BTBD9: variants seen among roughly 807,000 people sequenced by gnomAD.
BTBD9 encodes the protein BTB domain containing 9.
BTBD9 carries 49 observed loss-of-function variants against 64.3 expected under a neutral mutation model. The ratio of observed to expected loss-of-function variants is 0.76; its 90% CI spans 0.61 to 0.97. BTBD9 has a LOEUF of 0.97. Among genes scored for constraint, BTBD9 ranks in the 50% least tolerant of loss-of-function variants. The pLI, the probability that BTBD9 is intolerant of heterozygous loss-of-function variation, is 0.00. For synonymous variants in BTBD9, 260 were observed against 274.7 expected, an observed-to-expected ratio of 0.95 and a Z score of 0.53; for missense variants, 598 against 762.1, an observed-to-expected ratio of 0.78 and a Z score of 2.53.
chr6:38,455,772 G>A (rs972345060), intron 6 of BTBD9, among the ~76,000 whole-genome samples: 4 of 151,954 alleles, frequency 2.6e-5, no homozygotes, highest in Admixed American at 2.0e-4. Flanking sequence ...GCAATGGCGC[G>A]ATCTCGGCTC....
At chr6:38,445,303 T>C (rs1327030444) in intron 6 of BTBD9, among the ~76,000 whole-genome samples, 2 of 152,212 alleles carry the variant, frequency 1.3e-5, no homozygotes, top group East Asian at 3.9e-4. Flanking sequence ...AATCAATCCA[T>C]AGGAGAGAAA....
intron 9 of BTBD9, among the ~76,000 whole-genome samples, chr6:38,199,327 T>A (rs1321762378): frequency 6.6e-6 from 1 of 151,028 alleles, no homozygotes; most frequent in Non-Finnish European, 1.5e-5. Flanking sequence ...GACTGGAGAG[T>A]CCCTTTCGGG....
chr6:38,543,643 G>A (rs918552808), intron 6 of BTBD9, among the ~76,000 whole-genome samples: 35 of 152,092 alleles, frequency 2.3e-4, no homozygotes, highest in African/African-American at 6.5e-4. Context: ...ACCTGTTTGC[G>A]GTACTGAGAT....
At chr6:38,583,106 G>A (rs116634682) in intron 4 of BTBD9, among the ~76,000 whole-genome samples, 185 of 152,316 alleles carry the variant, frequency 1.2e-3, no homozygotes, top group African/African-American at 4.2e-3. Context: ...AAAAATAAAT[G>A]TGTTTTCCCT....
At chr6:38,469,511 G>A (rs563891699) in intron 6 of BTBD9, among the ~76,000 whole-genome samples, 1 of 151,924 alleles carries the variant, frequency 6.6e-6, no homozygotes, top group African/African-American at 2.4e-5. Context: ...TAGTAAAGAC[G>A]GGATTTTACC....
At chr6:38,342,535 C>CAAAAA (rs762825969) in intron 7 of BTBD9, among the ~76,000 whole-genome samples, 2 of 54,862 alleles carry the variant, frequency 3.6e-5, no homozygotes, top group African/African-American at 5.7e-5. Context: ...GACTCTGTCT[C>CAAAAA]AAAAAAAAAA....
At chr6:38,599,114 A>G (rs1777160378) in intron 1 of BTBD9, among the ~76,000 whole-genome samples, 1 of 152,134 alleles carries the variant, frequency 6.6e-6, no homozygotes, top group African/African-American at 2.4e-5. Flanking sequence ...GAACATCATT[A>G]CATTTTGTCT....
chr6:38,364,349 T>A (rs1195758025), intron 6 of BTBD9, among the ~76,000 whole-genome samples: 3 of 152,192 alleles, frequency 2.0e-5, no homozygotes, highest in African/African-American at 7.2e-5. Flanking sequence ...CATTGCTTCC[T>A]CCTTTGGTTC....
At chr6:38,374,297 G>GTGTATATATA (rs1582317340) in intron 6 of BTBD9, among the ~76,000 whole-genome samples, 1 of 53,700 alleles carries the variant, frequency 1.9e-5, no homozygotes, top group African/African-American at 8.8e-5. Flanking sequence ...ATATATATAT[G>GTGTATATATA]TATATATATG....
At chr6:38,616,842 T>C (rs1297728853) in intron 1 of BTBD9, among the ~76,000 whole-genome samples, 7 of 152,104 alleles carry the variant, frequency 4.6e-5, no homozygotes, top group African/African-American at 1.7e-4. Flanking sequence ...TACCGCTCAT[T>C]CTTTGGGTCT....
intron 6 of BTBD9, among the ~76,000 whole-genome samples, chr6:38,478,882 T>G (rs1771009147): frequency 6.6e-6 from 1 of 152,166 alleles, no homozygotes; most frequent in Admixed American, 6.5e-5. Context: ...TTATCATATA[T>G]AAAACCAGGA....
chr6:38,556,542 TGTGTGTGTGAGAGAGA>T (rs1243771956), intron 6 of BTBD9, among the ~76,000 whole-genome samples: 17 of 62,410 alleles, frequency 2.7e-4, no homozygotes, highest in African/African-American at 4.3e-4. Context: ...TGTGTGTGTG[TGTGTGTGTGAGAGAGA>T]GAGAGAGAGA....
At chr6:38,192,373 T>C in intron 10 of BTBD9, 146 bp downstream of exon 10, 1 of 681,212 alleles carries the variant, frequency 1.5e-6, no homozygotes, top group Non-Finnish European at 2.6e-6. Context: ...AACCCCACTG[T>C]GCAACTGCAG....
At chr6:38,290,066 A>T (rs986332363) in intron 7 of BTBD9, among the ~76,000 whole-genome samples, 4 of 151,602 alleles carry the variant, frequency 2.6e-5, no homozygotes, top group African/African-American at 9.7e-5. Context: ...TTATTTTCCA[A>T]AGTTGGACAT....
chr6:38,393,087 G>A (rs4714154), intron 6 of BTBD9, among the ~76,000 whole-genome samples: 8,683 of 152,206 alleles, frequency 0.057, 711 homozygotes, highest in East Asian at 0.33. Flanking sequence ...TGTTGGCTAG[G>A]CTGGTCTTGA....
intron 6 of BTBD9, among the ~76,000 whole-genome samples, chr6:38,402,489 T>G (rs559750051): frequency 7.9e-5 from 12 of 152,222 alleles, no homozygotes; most frequent in Admixed American, 1.3e-4. Flanking sequence ...GGTAGACATA[T>G]AAACCAACAG....
At chr6:38,332,452 T>C (rs980818607) in intron 7 of BTBD9, among the ~76,000 whole-genome samples, 1 of 152,240 alleles carries the variant, frequency 6.6e-6, no homozygotes, top group Non-Finnish European at 1.5e-5. Flanking sequence ...TCACATTATA[T>C]TCTTACACAT....
intron 7 of BTBD9, among the ~76,000 whole-genome samples, chr6:38,309,320 G>C (rs1260948553): frequency 2.6e-5 from 4 of 151,676 alleles, no homozygotes; most frequent in Non-Finnish European, 5.9e-5. Context: ...AGTGAGCCGA[G>C]ATCATACCAT....
chr6:38,620,616 G>T (rs532077450), intron 1 of BTBD9, among the ~76,000 whole-genome samples: 1 of 152,198 alleles, frequency 6.6e-6, no homozygotes, highest in East Asian at 1.9e-4. Flanking sequence ...GCTAATCAAG[G>T]GTACAAAGCA....
Sources: gnomAD v4.1 joint callset for allele counts (sites outside exome capture counted in the v4.1 genomes callset) on GRCh38, gnomAD v4.1.1 for gene constraint, MANE v1.5 for transcripts, NCBI Gene and HGNC (gene_info 2026-07-23, HGNC 2026-07-21) for gene names.